The following PRKN variants were observed in gnomAD, a reference collection of about 807,000 sequenced individuals.
The protein encoded by PRKN is parkin RBR E3 ubiquitin protein ligase, also known as E3 ubiquitin-protein ligase parkin.
In PRKN, 56 loss-of-function variants were observed where a neutral mutation model predicts 59.5. That is an observed-to-expected ratio of 0.94 (90% CI 0.76 to 1.18). The LOEUF (loss-of-function observed/expected upper bound fraction) is 1.18, where lower values mean the gene tolerates loss of function less well. Among genes scored for constraint, PRKN ranks in the 50% most tolerant of loss-of-function variants. PRKN has a pLI of 0.00. For synonymous variants in PRKN, 250 were observed against 222.1 expected (o/e 1.13, Z -1.12); for missense variants, 657 against 596.4 (o/e 1.10, Z -1.06).
intron 3 of PRKN, among the ~76,000 whole-genome samples, chr6:162,249,826 TAAAAC>T (rs546576931): frequency 4.6e-5 from 7 of 151,134 alleles, no homozygotes; most frequent in East Asian, 1.9e-4. Context: ...TTTCTGTGAT[TAAAAC>T]AAAACAAAAC....
At position 161,550,735 on chromosome 6, in the gene PRKN, GCAC is replaced by G. The variant is rs1562520533; in HGVS notation, c.934-1735_934-1733del. Among the ~76,000 whole-genome samples the G allele has an allele frequency of 3.2e-3, 321 of 99,450 alleles. 1 individual carries two copies. The highest frequency in any genetic ancestry group is 9.4e-3 in the African/African-American group (247 of 26,408). 65.2% of individuals were successfully genotyped at this position (99,450 alleles called of 152,430 possible). On this transcript the variant is annotated intron_variant, in intron 8 of 11. Transcript: ENST00000366898. The surrounding 1 kb of genome is among the most constrained non-coding windows in gnomAD (Gnocchi z 4.0). ...TAGAAGAAAGGGTATGTGTGTGTGTGCACGTGTGTGTGTGTGTGTGTGTGTGTA... is the reference window on the plus strand; with the variant it reads ...TAGAAGAAAGGGTATGTGTGTGTGTGGTGTGTGTGTGTGTGTGTGTGTGTA...
At chr6:162,337,911 G>A (rs971519581) in intron 2 of PRKN, among the ~76,000 whole-genome samples, 2 of 151,930 alleles carry the variant, frequency 1.3e-5, no homozygotes, top group African/African-American at 4.8e-5. Flanking sequence ...GCAAAATATT[G>A]CCATAAAAAT....
At chr6:162,544,134 C>T (rs1372296513) in intron 1 of PRKN, among the ~76,000 whole-genome samples, 1 of 152,018 alleles carries the variant, frequency 6.6e-6, no homozygotes, top group Non-Finnish European at 1.5e-5. Context: ...AGAAACTAAC[C>T]AAGGAAAACT....
intron 4 of PRKN, among the ~76,000 whole-genome samples, chr6:162,188,320 GA>G (rs1324579141): frequency 1.3e-5 from 2 of 152,094 alleles, no homozygotes; most frequent in Admixed American, 6.6e-5. Context: ...GTCCCACTAT[GA>G]CCAACCCTGG....
At chr6:161,849,709 A>C (rs3798218) in intron 6 of PRKN, among the ~76,000 whole-genome samples, 77,525 of 152,020 alleles carry the variant, frequency 0.51, 20,025 homozygotes, top group East Asian at 0.69. Context: ...TTAACAGTGA[A>C]CAGAATTCAA....
intron 1 of PRKN, among the ~76,000 whole-genome samples, chr6:162,647,302 T>G (rs2128225794): frequency 6.6e-6 from 1 of 152,204 alleles, no homozygotes; most frequent in Admixed American, 6.5e-5. Flanking sequence ...TTCAAAATAT[T>G]TATGTGCAAT....
At chr6:161,680,777 T>C (rs9364607) in intron 7 of PRKN, among the ~76,000 whole-genome samples, 1 of 37,292 alleles carries the variant, frequency 2.7e-5, no homozygotes, top group African/African-American at 6.5e-5. Context: ...ATATATATAT[T>C]TTTTTTTTTT....
chr6:161,418,794 C>G (rs1787964297), intron 9 of PRKN, among the ~76,000 whole-genome samples: 1 of 152,188 alleles, frequency 6.6e-6, no homozygotes, highest in Admixed American at 6.5e-5. Flanking sequence ...AGAGCTTTAG[C>G]ACCATTGTAA....
chr6:161,481,367 G>A (rs1272990339), intron 9 of PRKN, among the ~76,000 whole-genome samples: 1 of 152,160 alleles, frequency 6.6e-6, no homozygotes, highest in African/African-American at 2.4e-5. Flanking sequence ...AACTTTGGGA[G>A]GCAGAGGCAG....
chr6:162,605,178 C>T (rs1272781424), intron 1 of PRKN, among the ~76,000 whole-genome samples: 2 of 152,080 alleles, frequency 1.3e-5, no homozygotes, highest in Admixed American at 6.5e-5. Flanking sequence ...AATTTTCTAA[C>T]CCTGAATATG....
chr6:162,378,875 G>A (rs1786273033), intron 2 of PRKN, among the ~76,000 whole-genome samples: 1 of 152,176 alleles, frequency 6.6e-6, no homozygotes. Flanking sequence ...AGACCTGGAA[G>A]GGGATTCCAC....
chr6:162,007,910 C>A (rs1453291289), intron 5 of PRKN, among the ~76,000 whole-genome samples: 1 of 152,050 alleles, frequency 6.6e-6, no homozygotes, highest in Non-Finnish European at 1.5e-5. Flanking sequence ...TCCAATACAG[C>A]AGAATGAAAA....
chr6:162,717,183 A>C (rs1032087319), intron 1 of PRKN, among the ~76,000 whole-genome samples: 2 of 152,200 alleles, frequency 1.3e-5, no homozygotes, highest in African/African-American at 4.8e-5. Context: ...CCAGGAGCCA[A>C]GGAATGCCAG....
chr6:161,968,345 TAG>T lies in PRKN; in HGVS notation c.734+4955_734+4956del, dbSNP rs1288425507. ...TGACTCACCATGCCCAGCCTCAGTG[TAG>T]AGTCTTTTCGAAGGCCTGGTTTCTG... On this transcript the variant is annotated intron_variant, in intron 6 of 11. Transcript: ENST00000366898. Among the ~76,000 whole-genome samples, 9 of 152,046 alleles carry T rather than the reference TAG, an allele frequency of 5.9e-5. No individual in the cohort carries two copies. The East Asian group carries it at 1.7e-3, about 29-fold the overall frequency.
At position 162,301,486 on chromosome 6, in the gene PRKN, T is replaced by C. The variant is rs533170247; in HGVS notation, c.172-38721A>G. Among the ~76,000 whole-genome samples, 6 of 152,194 alleles carry C rather than the reference T, an allele frequency of 3.9e-5. No homozygotes were observed. The South Asian group carries it at 1.0e-3, about 26-fold the overall frequency. ...GGCGGCCTAGACAACAGACACTGAT[T>C]TTCTCGTGGCTCTGCAGATTGCAAG... On this transcript the variant is annotated intron_variant, in intron 2 of 11. Coordinates refer to ENST00000366898, the MANE Select transcript of PRKN (RefSeq NM_004562.3).
At chr6:162,048,861 C>T (rs1337093060) in intron 5 of PRKN, among the ~76,000 whole-genome samples, 2 of 152,020 alleles carry the variant, frequency 1.3e-5, no homozygotes, top group African/African-American at 2.4e-5. Flanking sequence ...AAATGAAGAT[C>T]GACACAGAAT....
chr6:162,392,677 A>G (rs1463732091), intron 2 of PRKN, among the ~76,000 whole-genome samples: 1 of 152,280 alleles, frequency 6.6e-6, no homozygotes, highest in East Asian at 1.9e-4. Flanking sequence ...CTCAGCCACT[A>G]TTTCTAAGTC....
rs1242816080 is a variant in PRKN, at chr6:161,386,432, C to A, written c.1167+362G>T. ...AGGTATTTTCACCAGAGATTCTAAA[C>A]TAGGGCATTAAAAACATTGAAGTAG... is the stretch of plus-strand genomic sequence containing the variant. On this transcript the variant is annotated intron_variant, in intron 10 of 11. Coordinates refer to ENST00000366898, the MANE Select transcript of PRKN (RefSeq NM_004562.3). This position sits in a 1 kb window ranked among gnomAD's most constrained non-coding sequence, Gnocchi z 4.3. 6.6e-6 allele frequency among the ~76,000 whole-genome samples: 1 copy of A among 152,198 alleles called. No homozygotes were observed. The highest frequency in any genetic ancestry group is 1.9e-4 in the East Asian group (1 of 5,204).
intron 6 of PRKN, among the ~76,000 whole-genome samples, chr6:161,902,193 C>T (rs575619122): frequency 6.6e-5 from 10 of 152,234 alleles, no homozygotes; most frequent in Non-Finnish European, 1.0e-4. Flanking sequence ...TCCAGCAATG[C>T]GTCAGGGCAC....
Sources: gnomAD v4.1 joint callset for allele counts (sites outside exome capture counted in the v4.1 genomes callset) on GRCh38, gnomAD v4.1.1 for gene constraint, Gnocchi (gnomAD v3.1) non-coding constraint, MANE v1.5 for transcripts, NCBI Gene and HGNC (gene_info 2026-07-23, HGNC 2026-07-21) for gene names.